Variants in MCPH1 observed in about 807,000 individuals in gnomAD.
MCPH1 encodes microcephalin 1.
MCPH1 carries 104 observed loss-of-function variants against 84.5 expected under a neutral mutation model. The ratio of observed to expected loss-of-function variants is 1.23; its 90% CI spans 1.05 to 1.45. MCPH1 has a LOEUF of 1.45. MCPH1 is among the 40% of genes most tolerant of loss of function. MCPH1 has a pLI of 0.00. For synonymous variants in MCPH1, 514 were observed against 366.8 expected (o/e 1.40, Z -4.58); for missense variants, 1,498 against 1,005.7 (o/e 1.49, Z -6.62).
intron 12 of MCPH1, among the ~76,000 whole-genome samples, chr8:6,538,631 C>T (rs1221538464): frequency 6.6e-6 from 1 of 152,222 alleles, no homozygotes; most frequent in East Asian, 1.9e-4. Flanking sequence ...TCTTCCTCCT[C>T]AGGTCCCACC....
chr8:6,642,963 A>C lies in MCPH1; in HGVS notation c.2453-31A>C, dbSNP rs202107659. On this transcript the variant is annotated intron_variant, in intron 13 of 13. Transcript: ENST00000344683. ...CTTTCCTATGTGGCTGGCTATTATG[A>C]ATGCTAAACTGCTTTTCGCTCTCTC... 1.7e-4 allele frequency: 280 copies of C among 1,607,542 alleles called. No homozygotes were observed. The Middle Eastern group carries it at 3.5e-3, about 20-fold the overall frequency.
intron 12 of MCPH1, among the ~76,000 whole-genome samples, chr8:6,517,735 G>A (rs987275398): frequency 1.3e-5 from 2 of 152,098 alleles, no homozygotes; most frequent in African/African-American, 4.8e-5. Context: ...TTACAGATGG[G>A]GAAACTGAGC....
intron 8 of MCPH1, among the ~76,000 whole-genome samples, chr8:6,451,570 T>G (rs1051131288): frequency 6.6e-6 from 1 of 152,212 alleles, no homozygotes; most frequent in African/African-American, 2.4e-5. Flanking sequence ...GTGTTGTTTT[T>G]GTTTTTTTCA....
chr8:6,435,490 C>G (rs992083266), intron 4 of MCPH1, among the ~76,000 whole-genome samples: 4 of 152,126 alleles, frequency 2.6e-5, no homozygotes, highest in Admixed American at 6.5e-5. Flanking sequence ...GAGGTGTCAT[C>G]TGACTGGGTT....
Position 6,612,372 on chromosome 8 carries a change from C to T in MCPH1, c.2215-9082C>T, listed in dbSNP as rs376228385. On this transcript the variant is annotated intron_variant, in intron 12 of 13. Coordinates refer to ENST00000344683, the MANE Select transcript of MCPH1 (RefSeq NM_024596.5). ...TTCCCGGGCGTGATAACTCTTCTGC[C>T]CCAGCTGGAGAGTTGTTCTGAGGCT... 5.3e-5 allele frequency among the ~76,000 whole-genome samples: 8 copies of T among 152,186 alleles called. No individual in the cohort carries two copies. In the East Asian group the frequency reaches 1.5e-3, roughly 29 times the overall value.
At position 6,499,694 on chromosome 8, in the gene MCPH1, A is replaced by C. The variant is rs188397013; in HGVS notation, c.2137-158A>C. On this transcript the variant is annotated intron_variant, in intron 11 of 13. Transcript: ENST00000344683. ...TTATTAATATTCATAACATTTATGC[A>C]ACATGAAGATTCTGAAGGGACTTTG... is the stretch of plus-strand genomic sequence containing the variant. 70 of 647,466 alleles carry C rather than the reference A, an allele frequency of 1.1e-4. No homozygotes were observed. The African/African-American group carries it at 1.2e-3, about 12-fold the overall frequency. 40.1% of individuals were successfully genotyped at this position (647,466 alleles called of 1,614,324 possible). A position where few individuals can be genotyped will look rare whatever the true frequency, so the allele number is the denominator to read the frequency against.
At chr8:6,416,159 C>G (rs1006201921) in intron 3 of MCPH1, among the ~76,000 whole-genome samples, 1 of 152,082 alleles carries the variant, frequency 6.6e-6, no homozygotes, top group African/African-American at 2.4e-5. Context: ...ATTTGCTTAA[C>G]TTGTTTATTA....
chr8:6,549,507 C>A (rs1441123226), intron 12 of MCPH1, among the ~76,000 whole-genome samples: 2 of 152,032 alleles, frequency 1.3e-5, no homozygotes, highest in Non-Finnish European at 2.9e-5. Flanking sequence ...CCTTCTGTAT[C>A]TTGAGCTGGG....
intron 12 of MCPH1, among the ~76,000 whole-genome samples, chr8:6,507,184 C>T (rs1813918235): frequency 6.6e-6 from 1 of 152,210 alleles, no homozygotes; most frequent in Admixed American, 6.5e-5. Flanking sequence ...AAGCGGGGGC[C>T]ACCATGCCCA....
intron 13 of MCPH1, among the ~76,000 whole-genome samples, chr8:6,636,249 G>T (rs1797547099): frequency 6.6e-6 from 1 of 151,784 alleles, no homozygotes; most frequent in African/African-American, 2.4e-5. Context: ...CTGAGGCAGG[G>T]GAATCGCTTG....
At chr8:6,492,023 C>T (rs1294855583) in intron 11 of MCPH1, among the ~76,000 whole-genome samples, 2 of 152,190 alleles carry the variant, frequency 1.3e-5, no homozygotes, top group African/African-American at 4.8e-5. Context: ...AATGGTATTT[C>T]TAGTTCTAGA....
intron 12 of MCPH1, among the ~76,000 whole-genome samples, chr8:6,570,026 G>A (rs1826530068): frequency 6.6e-6 from 1 of 152,222 alleles, no homozygotes; most frequent in African/African-American, 2.4e-5. Flanking sequence ...GCTAGCTTAG[G>A]AAAGAATCCT....
At chr8:6,538,124 G>A (rs1028194760) in intron 12 of MCPH1, among the ~76,000 whole-genome samples, 1 of 151,702 alleles carries the variant, frequency 6.6e-6, no homozygotes. Context: ...CTATCCCAAT[G>A]ATCCATCCAT....
intron 13 of MCPH1, among the ~76,000 whole-genome samples, chr8:6,638,857 G>A (rs776056305): frequency 2.6e-5 from 4 of 152,170 alleles, no homozygotes; most frequent in African/African-American, 7.2e-5. Context: ...GGGGCTCCCT[G>A]GACATGACCC....
intron 12 of MCPH1, among the ~76,000 whole-genome samples, chr8:6,583,181 AT>A (rs907386616): frequency 6.0e-5 from 9 of 150,856 alleles, no homozygotes; most frequent in Middle Eastern, 3.2e-3. Flanking sequence ...TTTCAGAGTG[AT>A]TTTTTTTTCT....
chr8:6,538,653 C>A (rs1184728828), intron 12 of MCPH1, among the ~76,000 whole-genome samples: 1 of 152,228 alleles, frequency 6.6e-6, no homozygotes, highest in Non-Finnish European at 1.5e-5. Flanking sequence ...TCCCCCATTG[C>A]ATGCCCTAAG....
chr8:6,476,571 A>G (rs1187422445), intron 9 of MCPH1, among the ~76,000 whole-genome samples: 1 of 152,206 alleles, frequency 6.6e-6, no homozygotes, highest in Non-Finnish European at 1.5e-5. Context: ...AAAGCAGACA[A>G]ACGAAAAATA....
chr8:6,427,766 A>G lies in MCPH1; in HGVS notation c.234-3733A>G, dbSNP rs541441682. 1.3e-3 allele frequency among the ~76,000 whole-genome samples: 196 copies of G among 149,758 alleles called. 12 individuals are homozygous for G. The South Asian group carries it at 0.041, about 31-fold the overall frequency. On this transcript the variant is annotated intron_variant, in intron 3 of 13. Coordinates refer to ENST00000344683, the MANE Select transcript of MCPH1 (RefSeq NM_024596.5). ...ACCTAGGTTATGTATAATACCTAAT[A>G]CGAGTACTTCGTAAGTAGTTATTAT...
At chr8:6,485,772 C>T (rs1410540323) in intron 11 of MCPH1, among the ~76,000 whole-genome samples, 6 of 152,066 alleles carry the variant, frequency 3.9e-5, no homozygotes, top group African/African-American at 1.4e-4. Context: ...ACCATGATGG[C>T]AGTCAGGTAT....
Sources: gnomAD v4.1 joint callset for allele counts (sites outside exome capture counted in the v4.1 genomes callset) on GRCh38, gnomAD v4.1.1 for gene constraint, MANE v1.5 for transcripts, NCBI Gene and HGNC (gene_info 2026-07-23, HGNC 2026-07-21) for gene names.